Variants in NXPH1 observed in about 807,000 individuals in gnomAD.
NXPH1 encodes neurexophilin 1, also known as neurexophilin-1.
A neutral mutation model predicts 23.7 loss-of-function variants in NXPH1; 5 were observed. The observed-to-expected ratio is 0.21, with a 90% CI of 0.11 to 0.44. The LOEUF (loss-of-function observed/expected upper bound fraction) is 0.44. Among genes scored for constraint, NXPH1 ranks in the 20% least tolerant of loss-of-function variants. The probability of loss-of-function intolerance (pLI) is 0.99; values close to 1 mark genes in which losing one functional copy is unlikely to be tolerated. For missense variants in NXPH1, 324 were observed against 321.6 expected (o/e 1.01, Z -0.06); for synonymous variants, 144 against 122.2 (o/e 1.18, Z -1.18).
At chr7:8,739,511 G>A (rs759651902) in intron 2 of NXPH1, among the ~76,000 whole-genome samples, 20 of 152,056 alleles carry the variant, frequency 1.3e-4, no homozygotes, top group Non-Finnish European at 2.6e-4. Context: ...GATGAGCTGC[G>A]TACCTCAGCT....
In NXPH1 at chr7:8,440,733, C is replaced by T. The variant is rs1042706701; in HGVS notation, c.54+4966C>T. On this transcript the variant is annotated intron_variant, in intron 2 of 2. Transcript: ENST00000405863. ...GCTTTTTCCAATAAGAAATTTTCTG[C>T]CCTGAGCTTCTTTGATTTTATAGGG... 6.6e-5 allele frequency among the ~76,000 whole-genome samples: 10 copies of T among 151,896 alleles called. 1 individual carries two copies. The highest frequency in any genetic ancestry group is 5.8e-4 in the East Asian group (3 of 5,166).
chr7:8,536,321 A>T (rs1818025270), intron 2 of NXPH1, among the ~76,000 whole-genome samples: 1 of 152,088 alleles, frequency 6.6e-6, no homozygotes, highest in Non-Finnish European at 1.5e-5. Flanking sequence ...CATGGGTGTC[A>T]GTAAGTTAGA....
intron 2 of NXPH1, among the ~76,000 whole-genome samples, chr7:8,472,753 C>T (rs1253812208): frequency 6.6e-6 from 1 of 152,180 alleles, no homozygotes; most frequent in Non-Finnish European, 1.5e-5. Flanking sequence ...AACTAGGCTG[C>T]TGAAGGAATT....
intron 2 of NXPH1, among the ~76,000 whole-genome samples, chr7:8,567,231 C>G (rs73235734): frequency 1.3e-5 from 2 of 151,910 alleles, no homozygotes; most frequent in East Asian, 3.9e-4. Flanking sequence ...GAAACCATTT[C>G]TTGAGAAGCC....
intron 2 of NXPH1, among the ~76,000 whole-genome samples, chr7:8,616,837 C>T (rs1819750410): frequency 6.9e-6 from 1 of 145,030 alleles, no homozygotes; most frequent in Non-Finnish European, 1.5e-5. Context: ...GTTGAAGGAC[C>T]AGATCAAGTT....
intron 2 of NXPH1, among the ~76,000 whole-genome samples, chr7:8,615,064 TG>T (rs1819706536): frequency 6.6e-6 from 1 of 152,064 alleles, no homozygotes; most frequent in Non-Finnish European, 1.5e-5. Flanking sequence ...TCTTTTTACT[TG>T]TTGTGCCTCA....
chr7:8,567,484 G>C (rs1372089966), intron 2 of NXPH1, among the ~76,000 whole-genome samples: 3 of 151,876 alleles, frequency 2.0e-5, no homozygotes, highest in African/African-American at 4.8e-5. Context: ...AATTTCTATA[G>C]AATCACAATG....
intron 2 of NXPH1, among the ~76,000 whole-genome samples, chr7:8,711,652 G>A (rs767361794): frequency 1.1e-4 from 16 of 152,112 alleles, no homozygotes; most frequent in Admixed American, 2.6e-4. Context: ...TATCACTTGG[G>A]AGCATGAGTG....
chr7:8,586,626 AATAT>A (rs201601131), intron 2 of NXPH1, among the ~76,000 whole-genome samples: 2 of 147,396 alleles, frequency 1.4e-5, no homozygotes, highest in Non-Finnish European at 1.5e-5. Context: ...GAGAATAATG[AATAT>A]ATATATATAT....
chr7:8,682,310 T>C (rs1420384786), intron 2 of NXPH1, among the ~76,000 whole-genome samples: 1 of 152,196 alleles, frequency 6.6e-6, no homozygotes, highest in Non-Finnish European at 1.5e-5. Flanking sequence ...GGAAGATGCA[T>C]TCTGACTTCA....
intron 2 of NXPH1, among the ~76,000 whole-genome samples, chr7:8,741,897 A>T (rs915037762): frequency 2.6e-5 from 4 of 152,040 alleles, no homozygotes; most frequent in African/African-American, 9.7e-5. Flanking sequence ...GCCAAGATAC[A>T]CATGGCATAA....
intron 2 of NXPH1, among the ~76,000 whole-genome samples, chr7:8,460,254 T>A (rs1178823172): frequency 1.3e-5 from 2 of 152,204 alleles, no homozygotes; most frequent in Non-Finnish European, 2.9e-5. Context: ...ATTTATTATT[T>A]ACTAATTTTG....
intron 2 of NXPH1, among the ~76,000 whole-genome samples, chr7:8,632,159 G>A (rs1820145461): frequency 1.3e-5 from 2 of 151,992 alleles, no homozygotes; most frequent in African/African-American, 2.4e-5. Context: ...CTCTCCAGGG[G>A]CTGAGTGTTT....
At chr7:8,593,291 T>C (rs1385476918) in intron 2 of NXPH1, among the ~76,000 whole-genome samples, 1 of 151,874 alleles carries the variant, frequency 6.6e-6, no homozygotes, top group Non-Finnish European at 1.5e-5. Flanking sequence ...CTATGAACTG[T>C]AGATTTTTGG....
chr7:8,662,195 C>CACAG (rs1554263933), intron 2 of NXPH1, among the ~76,000 whole-genome samples: 1 of 150,850 alleles, frequency 6.6e-6, no homozygotes, highest in African/African-American at 2.4e-5. Flanking sequence ...TATATACACA[C>CACAG]ATATATATAT....
At chr7:8,696,773 G>A (rs1011407882) in intron 2 of NXPH1, among the ~76,000 whole-genome samples, 2 of 149,214 alleles carry the variant, frequency 1.3e-5, no homozygotes, top group African/African-American at 2.5e-5. Context: ...CCCGTGAGAC[G>A]GAGCTTGCGG....
chr7:8,654,347 A>C (rs1820539222), intron 2 of NXPH1, among the ~76,000 whole-genome samples: 1 of 152,206 alleles, frequency 6.6e-6, no homozygotes, highest in African/African-American at 2.4e-5. Flanking sequence ...GTGAGGGGCG[A>C]ATATGTGTAG....
rs180868558 is a variant in NXPH1 at position 8,581,389 on chromosome 7, G to A, written c.54+145622G>A. On this transcript the variant is annotated intron_variant, in intron 2 of 2. Coordinates refer to ENST00000405863, the MANE Select transcript of NXPH1 (RefSeq NM_152745.3). ...GGCTTCGGAAACTTACAATCATGAC[G>A]GAAAGCAAAGGGGAAGCAGGCACAT... is the stretch of plus-strand genomic sequence containing the variant. Among the ~76,000 whole-genome samples, 162 of 152,232 alleles carry A rather than the reference G, an allele frequency of 1.1e-3. 1 individual carries two copies. The highest frequency in any genetic ancestry group is 7.1e-3 in the South Asian group (34 of 4,818).
intron 2 of NXPH1, among the ~76,000 whole-genome samples, chr7:8,449,388 A>G (rs1816464468): frequency 6.6e-6 from 1 of 152,236 alleles, no homozygotes; most frequent in African/African-American, 2.4e-5. Context: ...ACTACTAGAA[A>G]GGATAAAACG....
Sources: allele counts gnomAD v4.1 joint callset (sites outside exome capture counted in the v4.1 genomes callset), GRCh38; gene constraint gnomAD v4.1.1; transcripts MANE v1.5; gene names NCBI Gene and HGNC (gene_info 2026-07-23, HGNC 2026-07-21).